GSAP: variants seen among roughly 807,000 people sequenced by gnomAD.
The protein encoded by GSAP is gamma-secretase activating protein.
Under a neutral mutation model 131.7 loss-of-function variants are expected in GSAP, and 118 were observed. The observed-to-expected ratio is 0.90, with a 90% confidence interval of 0.77 to 1.04. The LOEUF (loss-of-function observed/expected upper bound fraction) is 1.04, where lower values mean the gene tolerates loss of function less well. Ranked by LOEUF, GSAP falls within the 50% of genes least tolerant of loss-of-function variation. GSAP has a pLI of 0.00. For missense variants in GSAP, 1,019 were observed against 1,013.2 expected, an observed-to-expected ratio of 1.01 and a Z score of -0.08; for synonymous variants, 381 against 363.4, an observed-to-expected ratio of 1.05 and a Z score of -0.55.
chr7:77,387,875 A>C (rs1036090930), intron 5 of GSAP, among the ~76,000 whole-genome samples: 4 of 152,216 alleles, frequency 2.6e-5, no homozygotes, highest in African/African-American at 4.8e-5. Flanking sequence ...TCACATTTAA[A>C]ACACAAGTGG....
At chr7:77,410,885 T>C (rs1803140196) in intron 1 of GSAP, among the ~76,000 whole-genome samples, 1 of 152,168 alleles carries the variant, frequency 6.6e-6, no homozygotes, top group Admixed American at 6.5e-5. Flanking sequence ...ATTATACCTA[T>C]AACATTCCTA....
Position 77,376,854 on chromosome 7 carries a change from G to C in GSAP, c.735C>G (p.Asn245Lys), listed in dbSNP as rs750787109. The C allele has an allele frequency of 7.0e-7, 1 of 1,423,826 alleles. No individual in the cohort carries two copies. The allele number at this position is 1,423,826 out of a possible 1,614,324, so 88.2% of individuals were successfully genotyped here. A position where few individuals can be genotyped will look rare whatever the true frequency, so the allele number is the denominator to read the frequency against. Residue 245 changes from asparagine (N) to lysine (K), a missense_variant, in exon 10 of 31, where the codon AAC (asparagine) becomes AAG (lysine). By Grantham distance (94) the Asn-to-Lys change is moderately conservative. Transcript: ENST00000257626. ...GATCATTTTCTGGACTTACCATTAA[G>C]TTATAGCTCTCATCAGCATAAAACT... ...CIQFYADESYNLMFEVPLDIS... is the reference protein window; with the variant it reads ...CIQFYADESYKLMFEVPLDIS...
intron 12 of GSAP, among the ~76,000 whole-genome samples, chr7:77,367,159 T>A (rs1289147982): frequency 6.6e-6 from 1 of 152,182 alleles, no homozygotes; most frequent in African/African-American, 2.4e-5. Context: ...AATCATGCCG[T>A]ATGCAAACAG....
At chr7:77,338,405 T>C (rs1790362069) in intron 19 of GSAP, among the ~76,000 whole-genome samples, 1 of 152,190 alleles carries the variant, frequency 6.6e-6, no homozygotes, top group African/African-American at 2.4e-5. Flanking sequence ...AAGTCCTTTG[T>C]CTCTCTAGGA....
At chr7:77,401,480 G>C (rs187860725) in intron 3 of GSAP, among the ~76,000 whole-genome samples, 231 of 152,058 alleles carry the variant, frequency 1.5e-3, no homozygotes, top group Non-Finnish European at 2.8e-3. Flanking sequence ...TATGAATCCT[G>C]AATTCTACAC....
intron 1 of GSAP, 36 bp downstream of exon 1, chr7:77,416,177 C>A: frequency 8.7e-7 from 1 of 1,154,780 alleles, no homozygotes; most frequent in South Asian, 1.7e-5. Flanking sequence ...CTCCCACTCC[C>A]CGCCCCCACC....
At chr7:77,356,855 G>A (rs750167762) in intron 14 of GSAP, among the ~76,000 whole-genome samples, 13 of 152,222 alleles carry the variant, frequency 8.5e-5, no homozygotes, top group South Asian at 4.1e-4. Context: ...CATAGAAGGC[G>A]TTCTGTGGAA....
intron 12 of GSAP, among the ~76,000 whole-genome samples, chr7:77,370,238 A>T (rs904760507): frequency 6.6e-6 from 1 of 151,996 alleles, no homozygotes; most frequent in African/African-American, 2.4e-5. Context: ...TGTGTGGATC[A>T]TCTGAGGTCA....
In GSAP at chr7:77,410,199, C is replaced by T. The variant is rs1043266039; in HGVS notation, c.110-4094G>A. 2.6e-5 allele frequency among the ~76,000 whole-genome samples: 4 copies of T among 152,126 alleles called. No homozygotes were observed. In the East Asian group the frequency reaches 5.8e-4, roughly 22 times the overall value. The stretch of plus-strand genomic sequence containing the variant: ...AATAAAAATAATGTTTTCATGGGAA[C>T]ATTAGGTAATAACTGCAGGGCTGAA... On this transcript the variant is annotated intron_variant, in intron 1 of 30. Coordinates refer to ENST00000257626, the MANE Select transcript of GSAP (RefSeq NM_017439.4).
At chr7:77,346,517 T>G (rs970144981) in intron 19 of GSAP, among the ~76,000 whole-genome samples, 3 of 144,444 alleles carry the variant, frequency 2.1e-5, no homozygotes, top group Admixed American at 1.4e-4. Flanking sequence ...TTGGGCAACA[T>G]AGTAAGACCC....
At chr7:77,348,003 TAAG>T (rs1792170485) in intron 19 of GSAP, among the ~76,000 whole-genome samples, 1 of 133,908 alleles carries the variant, frequency 7.5e-6, no homozygotes, top group Non-Finnish European at 1.7e-5. Flanking sequence ...AAAAAAAAAA[TAAG>T]AAAAAATAAG....
intron 5 of GSAP, among the ~76,000 whole-genome samples, chr7:77,394,472 TC>T (rs1800053718): frequency 6.6e-6 from 1 of 152,134 alleles, no homozygotes. Flanking sequence ...CTAGTATCAT[TC>T]CCCAGATAAA....
chr7:77,390,946 TAAAAAA>T lies in GSAP; in HGVS notation c.368-3504_368-3499del, dbSNP rs71085453. On this transcript the variant is annotated intron_variant, in intron 5 of 30. Transcript: ENST00000257626. The stretch of plus-strand genomic sequence containing the variant: ...CCTGGTGACAGAGCGAGACTCCGTC[TAAAAAA>T]AAAAAAAAAAAAAAAAAAAAAAAAA... Among the ~76,000 whole-genome samples the T allele has an allele frequency of 3.0e-3, 112 of 37,908 alleles. 1 individual carries two copies. Among genetic ancestry groups the T allele is most frequent in the African/African-American group, 5.4e-3 (55 of 10,276 alleles). The allele number at this position is 37,908 out of a possible 152,430, so 24.9% of individuals were successfully genotyped here.
At chr7:77,413,742 G>A (rs1324467322) in intron 1 of GSAP, among the ~76,000 whole-genome samples, 1 of 152,164 alleles carries the variant, frequency 6.6e-6, no homozygotes, top group East Asian at 1.9e-4. Flanking sequence ...GCCAACCTAG[G>A]AGGTGAGGAT....
chr7:77,330,245 A>C lies in GSAP; in HGVS notation c.1668T>G (p.Ser556=). The C allele has an allele frequency of 1.9e-6, 3 of 1,612,104 alleles. No individual in the cohort carries two copies. The highest frequency in any genetic ancestry group is 2.5e-6 in the Non-Finnish European group (3 of 1,178,960). The part of the protein sequence containing the change: ...VVRREWHNLI[S]EEKTGKRRSA... ...CTCACTGACCCACTCATACCTCTTC[A>C]GAGATCAGGTTGTGCCACTCTCTCC... The change falls in exon 20 of 31, where the codon TCT becomes TCG. Residue 556 remains serine, a synonymous_variant. Coordinates refer to ENST00000257626, the MANE Select transcript of GSAP (RefSeq NM_017439.4).
At chr7:77,323,057 G>A (rs1787882285) in intron 24 of GSAP, among the ~76,000 whole-genome samples, 1 of 152,118 alleles carries the variant, frequency 6.6e-6, no homozygotes, top group Non-Finnish European at 1.5e-5. Flanking sequence ...AGCAAGATCA[G>A]GCCTCAACTC....
At chr7:77,372,694 G>T (rs1020749252) in intron 12 of GSAP, among the ~76,000 whole-genome samples, 1 of 152,164 alleles carries the variant, frequency 6.6e-6, no homozygotes, top group Non-Finnish European at 1.5e-5. Flanking sequence ...TTACATTTTT[G>T]AACTTTACAG....
chr7:77,346,303 A>G (rs895544271), intron 19 of GSAP, among the ~76,000 whole-genome samples: 6 of 150,818 alleles, frequency 4.0e-5, no homozygotes, highest in African/African-American at 1.5e-4. Flanking sequence ...AAGAAAGAAA[A>G]AAAATTCTCT....
intron 3 of GSAP, among the ~76,000 whole-genome samples, chr7:77,403,432 G>C (rs191237501): frequency 7.7e-4 from 117 of 152,258 alleles, no homozygotes; most frequent in African/African-American, 2.7e-3. Context: ...AATGGATAAA[G>C]GACATTTAAG....
Sources: allele counts gnomAD v4.1 joint callset (sites outside exome capture counted in the v4.1 genomes callset), GRCh38; gene constraint gnomAD v4.1.1; transcripts MANE v1.5; gene names NCBI Gene and HGNC (gene_info 2026-07-23, HGNC 2026-07-21).